ELAVL2: variants seen among roughly 807,000 people sequenced by gnomAD.
ELAVL2 encodes the protein ELAV-like protein 2.
Under a neutral mutation model 34.6 loss-of-function variants are expected in ELAVL2, and 4 were observed. The observed-to-expected ratio is 0.12, with a 90% CI of 0.06 to 0.26. The LOEUF (loss-of-function observed/expected upper bound fraction) is 0.26, where lower values mean the gene tolerates loss of function less well. Ranked by LOEUF, ELAVL2 falls within the 10% of genes least tolerant of loss-of-function variation. ELAVL2 has a pLI of 1.00. For missense variants in ELAVL2, 432 were observed against 442.8 expected (o/e 0.98, Z 0.22); for synonymous variants, 193 against 154.8 (o/e 1.25, Z -1.83).
chr9:23,699,831 T>TTTTTTG (rs2036561483), intron 5 of ELAVL2, among the ~76,000 whole-genome samples: 5 of 83,478 alleles, frequency 6.0e-5, no homozygotes, highest in Non-Finnish European at 1.2e-4. Flanking sequence ...TTTTTTTTTT[T>TTTTTTG]TTTTTTTTTT....
At chr9:23,768,462 T>C (rs2136222166) in intron 1 of ELAVL2, among the ~76,000 whole-genome samples, 1 of 151,958 alleles carries the variant, frequency 6.6e-6, no homozygotes, top group African/African-American at 2.4e-5. Flanking sequence ...TTTTTTTTAC[T>C]TTTTACAAAT....
intron 1 of ELAVL2, among the ~76,000 whole-genome samples, chr9:23,768,171 A>G (rs1168060075): frequency 6.6e-6 from 1 of 152,180 alleles, no homozygotes; most frequent in African/African-American, 2.4e-5. Context: ...TATCAACAGA[A>G]ATCCTGTACA....
Position 23,762,194 on chromosome 9 carries a change from G to C in ELAVL2, c.41C>G (p.Thr14Arg), listed in dbSNP as rs1436458683. ...GTTTATGGTGGTTGGACCATTGGCT[G>C]TGTTATTGCAAGTTGGCCCATTAGA... is the stretch of plus-strand genomic sequence containing the variant. ...QLSNGPTCNN[T>R]ANGPTTINNN... The change falls in exon 2 of 7, where the codon ACA becomes AGA. Residue 14 changes from threonine (T) to arginine (R), a missense_variant. Physicochemically the swap from Thr to Arg is moderately conservative, Grantham distance 71. Around this residue, in one of 3 missense-constraint regions of ELAVL2, gnomAD observed 132 missense variants for 118.3 expected, o/e 1.12. Coordinates refer to ENST00000397312, the MANE Select transcript of ELAVL2 (RefSeq NM_004432.5). The C allele has an allele frequency of 2.5e-6, 4 of 1,613,480 alleles. No individual in the cohort carries two copies. Among genetic ancestry groups the C allele is most frequent in the Non-Finnish European group, 3.4e-6 (4 of 1,179,630 alleles).
chr9:23,711,829 C>G (rs1045257641), intron 3 of ELAVL2, among the ~76,000 whole-genome samples: 13 of 152,176 alleles, frequency 8.5e-5, no homozygotes, highest in African/African-American at 3.1e-4. Flanking sequence ...CTACCACACA[C>G]TCACTGTAAT....
In ELAVL2 at chr9:23,692,181, A is replaced by T. The variant is rs1160251274; in HGVS notation, c.*376T>A. The T allele has an allele frequency of 5.9e-6, 1 of 170,002 alleles. No individual in the cohort carries two copies. Among genetic ancestry groups the T allele is most frequent in the Non-Finnish European group, 1.3e-5 (1 of 79,210 alleles). The allele number at this position is 170,002 out of a possible 1,614,324, so 10.5% of individuals were successfully genotyped here. A position where few individuals can be genotyped will look rare whatever the true frequency, so the allele number is the denominator to read the frequency against. ...AAAAAGGGGGGAAAAAAAAGACACAACCAACTGAAGAATTACAACACAAAG... is the reference window on the plus strand; with the variant it reads ...AAAAAGGGGGGAAAAAAAAGACACATCCAACTGAAGAATTACAACACAAAG... On this transcript the variant is annotated 3_prime_UTR_variant, in exon 7 of 7. Coordinates refer to ENST00000397312, the MANE Select transcript of ELAVL2 (RefSeq NM_004432.5).
At chr9:23,710,070 C>G (rs1171174925) in intron 3 of ELAVL2, among the ~76,000 whole-genome samples, 1 of 152,126 alleles carries the variant, frequency 6.6e-6, no homozygotes, top group African/African-American at 2.4e-5. Flanking sequence ...CCCATGGCTT[C>G]TCAAACTGTT....
At position 23,705,103 on chromosome 9, in the gene ELAVL2, G is replaced by A. The variant is rs182816492; in HGVS notation, c.334-32C>T. ...AAGGAAAATAAAATTAAATGTATATGCATGCTCACTCACCCACCTCCCTTT... is the reference window on the plus strand; with the variant it reads ...AAGGAAAATAAAATTAAATGTATATACATGCTCACTCACCCACCTCCCTTT... On this transcript the variant is annotated intron_variant, in intron 3 of 6. Transcript: ENST00000397312. 2.1e-5 allele frequency: 34 copies of A among 1,611,942 alleles called. No homozygotes were observed. In the African/African-American group the frequency reaches 3.5e-4, roughly 16 times the overall value.
chr9:23,780,967 G>A (rs2058978487), intron 1 of ELAVL2, among the ~76,000 whole-genome samples: 1 of 152,106 alleles, frequency 6.6e-6, no homozygotes, highest in Admixed American at 6.5e-5. Flanking sequence ...TGGAAAAAAA[G>A]ACTAGAACGA....
intron 2 of ELAVL2, among the ~76,000 whole-genome samples, chr9:23,742,657 A>G (rs1341807236): frequency 6.6e-6 from 1 of 152,194 alleles, no homozygotes; most frequent in Non-Finnish European, 1.5e-5. Context: ...TTTTATATCA[A>G]AAAGAAAGAG....
intron 1 of ELAVL2, among the ~76,000 whole-genome samples, chr9:23,796,800 C>T (rs1460879452): frequency 6.6e-6 from 1 of 152,144 alleles, no homozygotes; most frequent in African/African-American, 2.4e-5. Context: ...AACAATTGCC[C>T]TTGCCCTTCG....
chr9:23,694,829 G>A (rs994810944), intron 5 of ELAVL2, among the ~76,000 whole-genome samples: 1 of 152,150 alleles, frequency 6.6e-6, no homozygotes, highest in Non-Finnish European at 1.5e-5. Flanking sequence ...AGATCACAAT[G>A]ACAAAAGATC....
At chr9:23,709,723 A>T (rs1179197376) in intron 3 of ELAVL2, among the ~76,000 whole-genome samples, 1 of 152,176 alleles carries the variant, frequency 6.6e-6, no homozygotes, top group African/African-American at 2.4e-5. Flanking sequence ...GGATTAATAT[A>T]TGAGTTTGGA....
chr9:23,840,620 T>C, the ELAVL2 span, among the ~76,000 whole-genome samples: 2 of 152,186 alleles, frequency 1.3e-5, no homozygotes, highest in African/African-American at 4.8e-5. Context: ...AGATTTTACT[T>C]ACATTCATAT....
chr9:23,840,845 G>C, the ELAVL2 span, among the ~76,000 whole-genome samples: 5 of 151,972 alleles, frequency 3.3e-5, no homozygotes, highest in Admixed American at 1.3e-4. Flanking sequence ...TTTTGAGTTA[G>C]TTCATTTCTA....
At chr9:23,809,557 A>G (rs1401283883) in intron 1 of ELAVL2, among the ~76,000 whole-genome samples, 1 of 152,164 alleles carries the variant, frequency 6.6e-6, no homozygotes, top group African/African-American at 2.4e-5. Context: ...TAGTAAGATT[A>G]CCTATCATTC....
chr9:23,762,947 A>G (rs892765040), intron 1 of ELAVL2, among the ~76,000 whole-genome samples: 2 of 152,090 alleles, frequency 1.3e-5, no homozygotes, highest in African/African-American at 4.8e-5. Flanking sequence ...GTAGAATCTA[A>G]TAGGACACTC....
In ELAVL2 at chr9:23,701,534, T is replaced by C. The variant is rs1287410788; in HGVS notation, c.558A>G (p.Leu186=). The change falls in exon 5 of 7, where the codon CTA becomes CTG. Residue 186 remains leucine (L), a synonymous_variant. Coordinates refer to ENST00000397312, the MANE Select transcript of ELAVL2 (RefSeq NM_004432.5). ...TGGCACCGGGAGGTTTCTGGCCATT[T>C]AGGCCTTTGATAGCTTCTTCTGCCT... ...RIEAEEAIKG[L]NGQKPPGATE... 6.2e-7 allele frequency: 1 copy of C among 1,614,138 alleles called. No individual in the cohort carries two copies. The highest frequency in any genetic ancestry group is 8.5e-7 in the Non-Finnish European group (1 of 1,179,998).
chr9:23,720,971 T>C (rs1384555295), intron 3 of ELAVL2, among the ~76,000 whole-genome samples: 2 of 152,148 alleles, frequency 1.3e-5, no homozygotes, highest in East Asian at 3.9e-4. Context: ...TGATAAACAT[T>C]AAAGTGTTGG....
chr9:23,723,109 A>T (rs1421629928), intron 3 of ELAVL2, among the ~76,000 whole-genome samples: 2 of 152,186 alleles, frequency 1.3e-5, no homozygotes. Flanking sequence ...GTTTGAGTTC[A>T]TTGTAGATTC....
Sources: gnomAD v4.1 joint callset for allele counts (sites outside exome capture counted in the v4.1 genomes callset) on GRCh38, gnomAD v4.1.1 for gene constraint, gnomAD v4.1.1 regional missense constraint, MANE v1.5 for transcripts, NCBI Gene and HGNC (gene_info 2026-07-23, HGNC 2026-07-21) for gene names.